UBE2E2: variants seen among roughly 807,000 people sequenced by gnomAD.
The protein encoded by UBE2E2 is ubiquitin conjugating enzyme E2 E2.
A neutral mutation model predicts 24.7 loss-of-function variants in UBE2E2; 6 were observed. The observed-to-expected ratio is 0.24, with a 90% CI of 0.13 to 0.48. The LOEUF is 0.48. Among genes scored for constraint, UBE2E2 ranks in the 20% least tolerant of loss-of-function variants. The pLI, the probability that UBE2E2 is intolerant of heterozygous loss-of-function variation, is 0.99. For missense variants in UBE2E2, 169 were observed against 245.0 expected (o/e 0.69, Z 2.07); for synonymous variants, 104 against 83.6 (o/e 1.24, Z -1.33).
In UBE2E2 at chr3:23,429,426, A is replaced by G. The variant is rs182031882; in HGVS notation, c.228-70182A>G. ...TGGATTCCAACAGTGTGTAGAAACA[A>G]CTATACACCATGACCAAATGGGATT... is the stretch of plus-strand genomic sequence containing the variant. On this transcript the variant is annotated intron_variant, in intron 3 of 5. Coordinates refer to ENST00000396703, the MANE Select transcript of UBE2E2 (RefSeq NM_152653.4). Among the ~76,000 whole-genome samples, 4 of 152,300 alleles carry G rather than the reference A, an allele frequency of 2.6e-5. No individual in the cohort carries two copies. The East Asian group carries it at 5.8e-4, about 22-fold the overall frequency.
chr3:23,261,441 G>A lies in UBE2E2; in HGVS notation c.227+44129G>A, dbSNP rs75070791. 5.8e-4 allele frequency among the ~76,000 whole-genome samples: 89 copies of A among 152,206 alleles called. 3 individuals are homozygous for A. The East Asian group carries it at 0.015, about 26-fold the overall frequency. ...TTAGCTAACACGTGTATCACCTTAC[G>A]TAGTTACCAATTTTTTTTATGTTTG... On this transcript the variant is annotated intron_variant, in intron 3 of 5. Transcript: ENST00000396703.
chr3:23,551,700 T>A (rs1011066405), intron 5 of UBE2E2, among the ~76,000 whole-genome samples: 2 of 151,650 alleles, frequency 1.3e-5, no homozygotes, highest in African/African-American at 4.8e-5. Flanking sequence ...GATGAGAGAG[T>A]AAAAAGGATG....
intron 3 of UBE2E2, among the ~76,000 whole-genome samples, chr3:23,309,868 C>T (rs776392612): frequency 3.3e-5 from 5 of 151,938 alleles, no homozygotes; most frequent in Non-Finnish European, 2.9e-5. Context: ...CGACTGCCCT[C>T]GTGACATGGT....
chr3:23,547,958 C>T (rs560533976), intron 5 of UBE2E2, among the ~76,000 whole-genome samples: 2 of 152,272 alleles, frequency 1.3e-5, no homozygotes, highest in Admixed American at 6.5e-5. Context: ...AGCTGATGTC[C>T]TCAGGGACCT....
chr3:23,424,502 G>A (rs1575620225), intron 3 of UBE2E2, among the ~76,000 whole-genome samples: 1 of 149,660 alleles, frequency 6.7e-6, no homozygotes, highest in Non-Finnish European at 1.5e-5. Flanking sequence ...TCTTTGGCTT[G>A]CTAAGGATAA....
At chr3:23,246,550 T>C (rs1039979285) in intron 3 of UBE2E2, among the ~76,000 whole-genome samples, 1 of 151,880 alleles carries the variant, frequency 6.6e-6, no homozygotes, top group Non-Finnish European at 1.5e-5. Flanking sequence ...TGGCTAATTT[T>C]TTTAAAATTT....
intron 3 of UBE2E2, among the ~76,000 whole-genome samples, chr3:23,430,976 T>C (rs1698047135): frequency 1.3e-5 from 2 of 152,158 alleles, no homozygotes; most frequent in Admixed American, 6.5e-5. Flanking sequence ...ATAACAAATA[T>C]GAGGGTAATT....
rs559160013 is a variant in UBE2E2 at position 23,345,947 on chromosome 3, CCAACGG to C, written c.227+128638_227+128643del. On this transcript the variant is annotated intron_variant, in intron 3 of 5. Transcript: ENST00000396703. ...GTAGAGGAGGAAGAAAAACATCTCA[CCAACGG>C]CAGACAGCAGAAACTAATGGTTTTC... 7.9e-5 allele frequency among the ~76,000 whole-genome samples: 12 copies of C among 152,286 alleles called. No individual in the cohort carries two copies. In the East Asian group the frequency reaches 2.3e-3, roughly 29 times the overall value.
At chr3:23,262,281 C>A (rs73037704) in intron 3 of UBE2E2, among the ~76,000 whole-genome samples, 109 of 152,008 alleles carry the variant, frequency 7.2e-4, no homozygotes, top group African/African-American at 2.2e-3. Flanking sequence ...AGGGCTCTTA[C>A]CAATTTTTTA....
intron 3 of UBE2E2, among the ~76,000 whole-genome samples, chr3:23,356,784 C>G (rs1260111803): frequency 1.3e-5 from 2 of 152,212 alleles, no homozygotes; most frequent in African/African-American, 4.8e-5. Context: ...GCATAACAAA[C>G]AACATCAAAA....
chr3:23,395,650 G>C (rs1010433227), intron 3 of UBE2E2, among the ~76,000 whole-genome samples: 2 of 152,040 alleles, frequency 1.3e-5, no homozygotes, highest in African/African-American at 2.4e-5. Flanking sequence ...TTTATTGTTA[G>C]TTTTTAAGGG....
At chr3:23,322,678 C>T (rs1199562835) in intron 3 of UBE2E2, among the ~76,000 whole-genome samples, 2 of 151,994 alleles carry the variant, frequency 1.3e-5, no homozygotes, top group Admixed American at 6.6e-5. Context: ...GAGCATGTAA[C>T]TTCGTAAGCT....
intron 3 of UBE2E2, among the ~76,000 whole-genome samples, chr3:23,469,746 C>T (rs982068276): frequency 6.6e-6 from 1 of 152,212 alleles, no homozygotes; most frequent in Admixed American, 6.5e-5. Context: ...CATTGATTCA[C>T]TGCATTTCTC....
At chr3:23,279,207 G>T (rs930772814) in intron 3 of UBE2E2, among the ~76,000 whole-genome samples, 1 of 152,076 alleles carries the variant, frequency 6.6e-6, no homozygotes, top group Non-Finnish European at 1.5e-5. Flanking sequence ...AGTAGTTGAG[G>T]CGTGATTTCA....
intron 3 of UBE2E2, among the ~76,000 whole-genome samples, chr3:23,266,363 A>G (rs568146689): frequency 1.3e-5 from 2 of 152,220 alleles, no homozygotes; most frequent in African/African-American, 4.8e-5. Context: ...ATCTCTCAGC[A>G]TTTGCTTGTC....
At chr3:23,266,237 A>G (rs1698044210) in intron 3 of UBE2E2, among the ~76,000 whole-genome samples, 1 of 152,162 alleles carries the variant, frequency 6.6e-6, no homozygotes, top group Non-Finnish European at 1.5e-5. Flanking sequence ...GTTTCTTCCT[A>G]GCCTCGATGG....
Position 23,589,524 on chromosome 3 carries a change from A to G in UBE2E2, c.509-210A>G, listed in dbSNP as rs1219519638. 1.3e-5 allele frequency among the ~76,000 whole-genome samples: 2 copies of G among 152,180 alleles called. No individual in the cohort carries two copies. The highest frequency in any genetic ancestry group is 2.9e-5 in the Non-Finnish European group (2 of 68,042). On this transcript the variant is annotated intron_variant, in intron 5 of 5. Transcript: ENST00000396703. The surrounding 1 kb of genome is among the most constrained non-coding windows in gnomAD (Gnocchi z 4.1). ...CTTGTCAAGAAATATGACAAGAGCTATCAGTAAAATACAGATAGGTGACTC... is the reference window on the plus strand; with the variant it reads ...CTTGTCAAGAAATATGACAAGAGCTGTCAGTAAAATACAGATAGGTGACTC...
At chr3:23,296,822 C>A (rs1220301601) in intron 3 of UBE2E2, among the ~76,000 whole-genome samples, 2 of 152,052 alleles carry the variant, frequency 1.3e-5, no homozygotes, top group Admixed American at 6.6e-5. Context: ...GGGTATATAC[C>A]CAGTAATGGG....
chr3:23,348,518 C>T (rs1460733002), intron 3 of UBE2E2, among the ~76,000 whole-genome samples: 1 of 152,012 alleles, frequency 6.6e-6, no homozygotes, highest in Admixed American at 6.6e-5. Flanking sequence ...CTGAGAACTT[C>T]CAAAGCTGGG....
Sources: gnomAD v4.1 joint callset for allele counts (sites outside exome capture counted in the v4.1 genomes callset) on GRCh38, gnomAD v4.1.1 for gene constraint, Gnocchi (gnomAD v3.1) non-coding constraint, MANE v1.5 for transcripts, NCBI Gene and HGNC (gene_info 2026-07-23, HGNC 2026-07-21) for gene names.